SHISA6: variants seen among roughly 807,000 people sequenced by gnomAD.
The protein encoded by SHISA6 is protein shisa-6.
Under a neutral mutation model 47.9 loss-of-function variants are expected in SHISA6, and 22 were observed. The ratio of observed to expected loss-of-function variants is 0.46; its 90% CI spans 0.33 to 0.66. The LOEUF is 0.66. Ranked by LOEUF, SHISA6 falls within the 30% of genes least tolerant of loss-of-function variation. SHISA6 has a pLI of 0.02. For synonymous variants in SHISA6, 388 were observed against 337.8 expected (o/e 1.15, Z -1.63); for missense variants, 680 against 764.6 (o/e 0.89, Z 1.30).
chr17:11,403,246 T>A lies in SHISA6; in HGVS notation c.895+23737T>A, dbSNP rs577665697. ...TTTAGGGAGTAATTGCTCTCAAGAC[T>A]CAGATTTGATAGGGGGAGGTTCAAA... is the stretch of plus-strand genomic sequence containing the variant. On this transcript the variant is annotated intron_variant, in intron 3 of 5. Coordinates refer to ENST00000441885, the MANE Select transcript of SHISA6 (RefSeq NM_207386.4). 2.6e-5 allele frequency among the ~76,000 whole-genome samples: 4 copies of A among 152,242 alleles called. No homozygotes were observed. The East Asian group carries it at 7.7e-4, about 29-fold the overall frequency.
intron 3 of SHISA6, among the ~76,000 whole-genome samples, chr17:11,531,447 G>A (rs2193112): frequency 0.45 from 68,759 of 151,692 alleles, 15,627 homozygotes; most frequent in East Asian, 0.57. Context: ...GCTCAGATAC[G>A]GTTAGTGAGG....
chr17:11,311,791 T>C (rs1219448115), intron 2 of SHISA6, among the ~76,000 whole-genome samples: 1 of 152,126 alleles, frequency 6.6e-6, no homozygotes, highest in Non-Finnish European at 1.5e-5. Flanking sequence ...TTTCTTTTTT[T>C]TTGAGACAGA....
chr17:11,504,136 C>T (rs1179895969), intron 3 of SHISA6, among the ~76,000 whole-genome samples: 1 of 152,130 alleles, frequency 6.6e-6, no homozygotes, highest in Non-Finnish European at 1.5e-5. Context: ...CTTTGGCCCT[C>T]TGCTGAGGGT....
At chr17:11,309,630 G>C (rs369670990) in intron 2 of SHISA6, among the ~76,000 whole-genome samples, 3 of 152,112 alleles carry the variant, frequency 2.0e-5, no homozygotes, top group African/African-American at 7.2e-5. Context: ...ATACTCTAAG[G>C]CATCATCAAT....
At chr17:11,401,539 A>G (rs1913772761) in intron 3 of SHISA6, among the ~76,000 whole-genome samples, 1 of 152,168 alleles carries the variant, frequency 6.6e-6, no homozygotes, top group African/African-American at 2.4e-5. Flanking sequence ...AGTTTTTGGA[A>G]TTTTTATGAG....
chr17:11,306,702 C>G (rs997137997), intron 2 of SHISA6, among the ~76,000 whole-genome samples: 16 of 152,190 alleles, frequency 1.1e-4, no homozygotes, highest in Admixed American at 1.0e-3. Flanking sequence ...CAGTCCAGTC[C>G]TTCTTTGGCA....
intron 3 of SHISA6, among the ~76,000 whole-genome samples, chr17:11,486,535 C>G (rs1916353438): frequency 6.6e-6 from 1 of 152,128 alleles, no homozygotes; most frequent in African/African-American, 2.4e-5. Flanking sequence ...AAATATAGGC[C>G]ACAGAATGAC....
chr17:11,265,845 A>G (rs1205498418), intron 2 of SHISA6, among the ~76,000 whole-genome samples: 1 of 152,090 alleles, frequency 6.6e-6, no homozygotes, highest in Non-Finnish European at 1.5e-5. Context: ...AAGATTTGTC[A>G]TTTCTTCTGG....
At chr17:11,548,968 C>T (rs547137886) in intron 3 of SHISA6, among the ~76,000 whole-genome samples, 1 of 152,226 alleles carries the variant, frequency 6.6e-6, no homozygotes, top group Admixed American at 6.5e-5. Context: ...TATCTGTGTG[C>T]ATAAGTAAAT....
chr17:11,372,752 G>A (rs1912669250), intron 2 of SHISA6, among the ~76,000 whole-genome samples: 1 of 151,902 alleles, frequency 6.6e-6, no homozygotes, highest in South Asian at 2.1e-4. Context: ...TTTTGTCTGT[G>A]GTATATTTTT....
At chr17:11,431,698 C>T (rs1914781114) in intron 3 of SHISA6, among the ~76,000 whole-genome samples, 1 of 152,214 alleles carries the variant, frequency 6.6e-6, no homozygotes, top group Admixed American at 6.5e-5. Flanking sequence ...GTTTCTCCAA[C>T]AGCAGGTTTC....
At chr17:11,399,432 T>A (rs1470185480) in intron 3 of SHISA6, among the ~76,000 whole-genome samples, 1 of 152,188 alleles carries the variant, frequency 6.6e-6, no homozygotes, top group Non-Finnish European at 1.5e-5. Flanking sequence ...TTTGTTTGTT[T>A]CTTTTTTGAG....
Position 11,477,633 on chromosome 17 carries a change from T to C in SHISA6, c.896-74263T>C, listed in dbSNP as rs1210677530. Among the ~76,000 whole-genome samples the C allele has an allele frequency of 7.3e-5, 10 of 137,406 alleles. No individual in the cohort carries two copies. In the South Asian group the frequency reaches 2.1e-3, roughly 29 times the overall value. 90.1% of individuals were successfully genotyped at this position (137,406 alleles called of 152,430 possible). On this transcript the variant is annotated intron_variant, in intron 3 of 5. Coordinates refer to ENST00000441885, the MANE Select transcript of SHISA6 (RefSeq NM_207386.4). Reference sequence around the variant, plus strand: ...CCCTTCCTGTGTCCATGTGATCTCATTGTTCAATTCCCACCTATGAGTGAG... The same window carrying C: ...CCCTTCCTGTGTCCATGTGATCTCACTGTTCAATTCCCACCTATGAGTGAG...
intron 2 of SHISA6, among the ~76,000 whole-genome samples, chr17:11,353,454 T>TA (rs531371915): frequency 0.026 from 3,272 of 126,260 alleles, 115 homozygotes; most frequent in African/African-American, 0.084. Flanking sequence ...AGACTCCGTC[T>TA]AAAAAAAAAA....
intron 3 of SHISA6, among the ~76,000 whole-genome samples, chr17:11,476,522 T>C (rs1916055427): frequency 6.6e-6 from 1 of 152,024 alleles, no homozygotes; most frequent in Admixed American, 6.6e-5. Flanking sequence ...TCTCTTGAGA[T>C]TTGTTTGACT....
chr17:11,511,705 CT>C (rs2071542908), intron 3 of SHISA6, among the ~76,000 whole-genome samples: 1 of 152,216 alleles, frequency 6.6e-6, no homozygotes, highest in East Asian at 1.9e-4. Flanking sequence ...CTTTCATCTT[CT>C]GCATCACTCC....
At chr17:11,506,644 C>T (rs1011573085) in intron 3 of SHISA6, among the ~76,000 whole-genome samples, 1 of 152,100 alleles carries the variant, frequency 6.6e-6, no homozygotes, top group Non-Finnish European at 1.5e-5. Flanking sequence ...CAGAGGAGTA[C>T]AAAGTTGGGG....
chr17:11,303,051 C>CCAGTG (rs200329101), intron 2 of SHISA6, among the ~76,000 whole-genome samples: 3,246 of 152,194 alleles, frequency 0.021, 123 homozygotes, highest in African/African-American at 0.073. Context: ...CGCCCCCAAC[C>CCAGTG]CAGTGCAGTG....
intron 3 of SHISA6, among the ~76,000 whole-genome samples, chr17:11,408,377 C>G (rs773778322): frequency 3.3e-5 from 5 of 152,298 alleles, no homozygotes; most frequent in Non-Finnish European, 7.3e-5. Context: ...CTTACTGAAT[C>G]AGAAGCTCTG....
Sources: allele counts gnomAD v4.1 joint callset (sites outside exome capture counted in the v4.1 genomes callset), GRCh38; gene constraint gnomAD v4.1.1; transcripts MANE v1.5; gene names NCBI Gene and HGNC (gene_info 2026-07-23, HGNC 2026-07-21).